Variants in JAG2 observed in about 807,000 individuals in gnomAD.
The protein encoded by JAG2 is protein jagged-2.
In JAG2, 46 loss-of-function variants were observed where a neutral mutation model predicts 141.7. The observed-to-expected ratio is 0.32, with a 90% CI of 0.26 to 0.42. JAG2 has a LOEUF of 0.42. JAG2 is among the 10% of genes least tolerant of loss of function. The probability of loss-of-function intolerance (pLI) is 1.00; values close to 1 mark genes in which losing one functional copy is unlikely to be tolerated. For synonymous variants in JAG2, 862 were observed against 763.5 expected, an observed-to-expected ratio of 1.13 and a Z score of -2.13; for missense variants, 1,500 against 1,817.5, an observed-to-expected ratio of 0.83 and a Z score of 3.18.
chr14:105,151,751 C>T lies in JAG2; in HGVS notation c.1040-12G>A, dbSNP rs777664348. The T allele has an allele frequency of 1.6e-5, 26 of 1,605,838 alleles. No homozygotes were observed. Among genetic ancestry groups the T allele is most frequent in the Non-Finnish European group, 1.5e-5 (18 of 1,176,444 alleles). ...GCAGGCGTGCTCAGCTGTAGAACCG[C>T]GGGGAGGGGGCAGAGCTGGCAGCCA... On this transcript the variant is annotated splice_polypyrimidine_tract_variant and intron_variant, in intron 7 of 25. Transcript: ENST00000331782.
Position 105,167,620 on chromosome 14 carries a change from CT to C in JAG2, c.417+136del. ...ACCAAGTCCCCAGAGCACGCGCCCCCTGCCGGCCCCGCCCCGCCTGGGCGCG... is the reference window on the plus strand; with the variant it reads ...ACCAAGTCCCCAGAGCACGCGCCCCCGCCGGCCCCGCCCCGCCTGGGCGCG... On this transcript the variant is annotated intron_variant, in intron 2 of 25. Coordinates refer to ENST00000331782, the MANE Select transcript of JAG2 (RefSeq NM_002226.5). The surrounding 1 kb of genome is among the most constrained non-coding windows in gnomAD (Gnocchi z 4.8). 9.5e-7 allele frequency: 1 copy of C among 1,051,584 alleles called. No individual in the cohort carries two copies. Among genetic ancestry groups the C allele is most frequent in the Non-Finnish European group, 1.2e-6 (1 of 847,964 alleles). 65.1% of individuals were successfully genotyped at this position (1,051,584 alleles called of 1,614,324 possible). A position where few individuals can be genotyped will look rare whatever the true frequency, so the allele number is the denominator to read the frequency against.
At position 105,147,417 on chromosome 14, in the gene JAG2, G is replaced by A. The variant is rs755513842; in HGVS notation, c.2394-6C>T. 175 of 1,610,654 alleles carry A rather than the reference G, an allele frequency of 1.1e-4. No individual in the cohort carries two copies. The highest frequency in any genetic ancestry group is 1.5e-4 in the Non-Finnish European group (171 of 1,179,068). ...CACAGATGCCACCATTGTAGCTGCA[G>A]AGCAGAGGGTGGGCATCAGGTGGCC... On this transcript the variant is annotated splice_polypyrimidine_tract_variant and splice_region_variant and intron_variant, in intron 19 of 25. Transcript: ENST00000331782.
At chr14:105,166,753 G>A (rs774232831) in intron 2 of JAG2, among the ~76,000 whole-genome samples, 16 of 152,328 alleles carry the variant, frequency 1.1e-4, no homozygotes, top group South Asian at 2.1e-4. Context: ...AGGATACCAG[G>A]TGGGCACACT....
chr14:105,146,345 A>C, intron 22 of JAG2, 40 bp downstream of exon 22: 1 of 1,549,146 alleles, frequency 6.5e-7, no homozygotes, highest in Non-Finnish European at 8.9e-7. Context: ...AGCGTGCACC[A>C]GCCTCGGGTA....
At position 105,145,013 on chromosome 14, in the gene JAG2, T is replaced by C; in HGVS notation, c.3001A>G (p.Thr1001Ala). 1 of 1,610,056 alleles carries C rather than the reference T, an allele frequency of 6.2e-7. No homozygotes were observed. Among genetic ancestry groups the C allele is most frequent in the East Asian group, 2.2e-5 (1 of 44,866 alleles). The change falls in exon 24 of 26, where the codon ACA (threonine) becomes GCA (alanine). Residue 1001 changes from threonine (T) to alanine (A), a missense_variant. Transcript: ENST00000331782. ...ICSGIRSLPA[T>A]RAVARDRLLV... ...AGGCGGTCCCGTGCCACAGCCCTTG[T>C]GGCTGGCAGGGAGCGGATCCCGGAG...
At position 105,146,505 on chromosome 14, in the gene JAG2, G is replaced by A. The variant is rs772094758; in HGVS notation, c.2594-5C>T. On this transcript the variant is annotated splice_region_variant and splice_polypyrimidine_tract_variant and intron_variant, in intron 21 of 25. Transcript: ENST00000331782. ...AGGATCTCCCGAACCCGATCACTGT[G>A]GGGAGAAGGGGCTCGAGGGTCAGCA... 1.2e-6 allele frequency: 2 copies of A among 1,611,814 alleles called. No homozygotes were observed. Among genetic ancestry groups the A allele is most frequent in the African/African-American group, 2.7e-5 (2 of 74,896 alleles).
Position 105,151,758 on chromosome 14 carries a change from G to T in JAG2, c.1040-19C>A. 1.2e-6 allele frequency: 2 copies of T among 1,604,776 alleles called. No individual in the cohort carries two copies. Among genetic ancestry groups the T allele is most frequent in the Non-Finnish European group, 1.7e-6 (2 of 1,175,408 alleles). The stretch of plus-strand genomic sequence containing the variant: ...TGCTCAGCTGTAGAACCGCGGGGAG[G>T]GGGCAGAGCTGGCAGCCAGGCCCCC... On this transcript the variant is annotated intron_variant, in intron 7 of 25. Coordinates refer to ENST00000331782, the MANE Select transcript of JAG2 (RefSeq NM_002226.5).
rs1180573403 is a variant in JAG2, at chr14:105,143,087, G to A, written c.3325C>T (p.Arg1109Cys). ...VVLCVWWTRK[R>C]RKERERSRLP... ...CGGCTCCTCTCCCGCTCTTTCCTGC[G>A]CTTGCGTGTCCACCACACGCACAGG... The change falls in exon 26 of 26, where the codon CGC (arginine) becomes TGC (cysteine). Residue 1109 changes from arginine to cysteine, a missense_variant. Around this residue, in one of 3 missense-constraint regions of JAG2, gnomAD observed 425 missense variants for 441.0 expected, o/e 0.96. Transcript: ENST00000331782. The A allele has an allele frequency of 2.5e-6, 4 of 1,600,034 alleles. No homozygotes were observed. Among genetic ancestry groups the A allele is most frequent in the African/African-American group, 1.3e-5 (1 of 74,884 alleles).
At chr14:105,157,167 C>T (rs1487641212) in intron 3 of JAG2, among the ~76,000 whole-genome samples, 1 of 152,186 alleles carries the variant, frequency 6.6e-6, no homozygotes, top group East Asian at 1.9e-4. Flanking sequence ...CAGGCGGAGC[C>T]CGTGTCCTCT....
rs143961550 is a variant in JAG2, at chr14:105,143,756, C to G, written c.3085-118G>C. The G allele has an allele frequency of 5.3e-4, 681 of 1,274,926 alleles. 5 individuals are homozygous for G. The African/African-American group carries it at 9.1e-3, about 17-fold the overall frequency. 79.0% of individuals were successfully genotyped at this position (1,274,926 alleles called of 1,614,324 possible). ...AAGGTGGGCGCACGGGAGACGAGAG[C>G]CCGGGGTCCTGCAGTGGCGACTTCA... On this transcript the variant is annotated intron_variant, in intron 24 of 25. Transcript: ENST00000331782.
rs1334105355 is a variant in JAG2, at chr14:105,167,352, G to GC, written c.417+404dup. Among the ~76,000 whole-genome samples, 2 of 152,054 alleles carry GC rather than the reference G, an allele frequency of 1.3e-5. No individual in the cohort carries two copies. Among genetic ancestry groups the GC allele is most frequent in the African/African-American group, 4.8e-5 (2 of 41,406 alleles). ...CAGGGCAGGCGCAGGCTGGCCACGG[G>GC]CCCGGGGCGGCTCAGTCAGGGCCTG... is the stretch of plus-strand genomic sequence containing the variant. On this transcript the variant is annotated intron_variant, in intron 2 of 25. Coordinates refer to ENST00000331782, the MANE Select transcript of JAG2 (RefSeq NM_002226.5). The surrounding 1 kb of genome is among the most constrained non-coding windows in gnomAD (Gnocchi z 4.8).
At chr14:105,152,768 C>T (rs587666818) in intron 5 of JAG2, among the ~76,000 whole-genome samples, 3 of 152,242 alleles carry the variant, frequency 2.0e-5, no homozygotes, top group South Asian at 2.1e-4. Context: ...GCAGTCATTT[C>T]GCTCGCTCCC....
In JAG2 at chr14:105,145,779, A is replaced by G. The variant is rs1325992843; in HGVS notation, c.2904T>C (p.Asn968=). Reference sequence around the variant, plus strand: ...AATGCAAGGTGAGGCGGGCACAGTTATTGTCCAGGTGGCCGGAGCGTGGCA... The same window carrying G: ...AATGCAAGGTGAGGCGGGCACAGTTGTTGTCCAGGTGGCCGGAGCGTGGCA... The part of the protein sequence containing the change: ...PCLPRSGHLD[N]NCARLTLHFN... The change falls in exon 23 of 26, where the codon AAT becomes AAC. Residue 968 remains asparagine (N), a synonymous_variant. Transcript: ENST00000331782. 1.3e-6 allele frequency: 2 copies of G among 1,583,730 alleles called. No individual in the cohort carries two copies. The highest frequency in any genetic ancestry group is 1.8e-5 in the Admixed American group (1 of 56,464).
chr14:105,141,766 G>C lies in JAG2; in HGVS notation c.*929C>G, dbSNP rs1230340776. On this transcript the variant is annotated 3_prime_UTR_variant, in exon 26 of 26. Transcript: ENST00000331782. ...GTGGCATTATTCAATCAAATATACAGAGTGCTTCCTTTAATATGTACACAT... is the reference window on the plus strand; with the variant it reads ...GTGGCATTATTCAATCAAATATACACAGTGCTTCCTTTAATATGTACACAT... 1 of 152,466 alleles carries C rather than the reference G, an allele frequency of 6.6e-6. No homozygotes were observed. The highest frequency in any genetic ancestry group is 1.5e-5 in the Non-Finnish European group (1 of 68,062). The allele number at this position is 152,466 out of a possible 1,614,324, so 9.4% of individuals were successfully genotyped here. A position where few individuals can be genotyped will look rare whatever the true frequency, so the allele number is the denominator to read the frequency against.
intron 2 of JAG2, among the ~76,000 whole-genome samples, chr14:105,164,135 G>T (rs76874915): frequency 6.8e-6 from 1 of 147,538 alleles, no homozygotes; most frequent in Non-Finnish European, 1.5e-5. Flanking sequence ...ATCGTGCTGC[G>T]GCTTTGACCC....
At chr14:105,149,360 C>A (rs1475314309) in intron 12 of JAG2, 40 bp from the exon 13 acceptor site, 3 of 1,611,984 alleles carry the variant, frequency 1.9e-6, no homozygotes, top group Non-Finnish European at 2.5e-6. Context: ...TAGGCCCAGG[C>A]CCAGGCCGGG....
rs1269928138 is a variant in JAG2 at position 105,145,963 on chromosome 14, C to T, written c.2720G>A (p.Gly907Glu). Residue 907 changes from glycine (G) to glutamate (E), a missense_variant, in exon 23 of 26, where the codon GGA becomes GAA. Around this residue, in one of 3 missense-constraint regions of JAG2, gnomAD observed 875 missense variants for 1,202.2 expected, o/e 0.73. Transcript: ENST00000331782. ...GRRDCSKVWCGWKPCLLAGQP... is the reference protein window; with the variant it reads ...GRRDCSKVWCEWKPCLLAGQP... ...GCCGGCCAGCAGACAAGGCTTCCAT[C>T]CGCACCACACCTGGGCAGGCACGCA... 5 of 1,591,860 alleles carry T rather than the reference C, an allele frequency of 3.1e-6. No individual in the cohort carries two copies. Among genetic ancestry groups the T allele is most frequent in the Non-Finnish European group, 4.3e-6 (5 of 1,171,230 alleles).
chr14:105,163,730 C>G (rs80203586), intron 2 of JAG2, among the ~76,000 whole-genome samples: 1 of 151,270 alleles, frequency 6.6e-6, no homozygotes, highest in Non-Finnish European at 1.5e-5. Context: ...GGTCTGCAGA[C>G]AGGGACCCTG....
chr14:105,157,715 T>G lies in JAG2; in HGVS notation c.466A>C (p.Thr156Pro). 1 of 1,566,898 alleles carries G rather than the reference T, an allele frequency of 6.4e-7. No homozygotes were observed. The highest frequency in any genetic ancestry group is 8.6e-7 in the Non-Finnish European group (1 of 1,157,386). The part of the protein sequence containing the change: ...VEAWDWDNDT[T>P]PNEELLIERV... ...CCCAGGGCTCACTCACCATTCGGGG[T>G]GGTATCGTTGTCCCAGTCCCAGGCC... is the stretch of plus-strand genomic sequence containing the variant. The change falls in exon 3 of 26, where the codon ACC becomes CCC. Residue 156 changes from threonine to proline, a missense_variant. This residue lies in a region of JAG2 where 875 missense variants were observed against 1,202.2 expected (regional missense o/e 0.73). Coordinates refer to ENST00000331782, the MANE Select transcript of JAG2 (RefSeq NM_002226.5).
Sources: gnomAD v4.1 joint callset for allele counts (sites outside exome capture counted in the v4.1 genomes callset) on GRCh38, gnomAD v4.1.1 for gene constraint, gnomAD v4.1.1 regional missense constraint, Gnocchi (gnomAD v3.1) non-coding constraint, MANE v1.5 for transcripts, NCBI Gene and HGNC (gene_info 2026-07-23, HGNC 2026-07-21) for gene names.